The following FBXW2 variants were observed in gnomAD, a reference collection of about 807,000 sequenced individuals.
FBXW2 encodes F-box/WD repeat-containing protein 2.
FBXW2 carries 12 observed loss-of-function variants against 46.0 expected under a neutral mutation model. The ratio of observed to expected loss-of-function variants is 0.26; its 90% confidence interval spans 0.17 to 0.42. The LOEUF (loss-of-function observed/expected upper bound fraction) is 0.42, where lower values mean the gene tolerates loss of function less well. Ranked by LOEUF, FBXW2 falls within the 10% of genes least tolerant of loss-of-function variation. The pLI, the probability that FBXW2 is intolerant of heterozygous loss-of-function variation, is 1.00. For synonymous variants in FBXW2, 203 were observed against 209.6 expected, an observed-to-expected ratio of 0.97 and a Z score of 0.27; for missense variants, 360 against 537.0, an observed-to-expected ratio of 0.67 and a Z score of 3.26.
chr9:120,787,185 C>T (rs981448071), intron 3 of FBXW2, among the ~76,000 whole-genome samples: 1 of 152,218 alleles, frequency 6.6e-6, no homozygotes, highest in African/African-American at 2.4e-5. Context: ...CATGCCGCCA[C>T]GCCCGGCTAC....
chr9:120,792,233 G>A (rs1356945691), intron 2 of FBXW2, among the ~76,000 whole-genome samples: 1 of 152,102 alleles, frequency 6.6e-6, no homozygotes, highest in Non-Finnish European at 1.5e-5. Context: ...GGACCTTCTG[G>A]AAAACAGTGT....
At chr9:120,781,651 C>T (rs926599523) in intron 3 of FBXW2, among the ~76,000 whole-genome samples, 23 of 151,418 alleles carry the variant, frequency 1.5e-4, no homozygotes, top group African/African-American at 3.9e-4. Flanking sequence ...CACACACACA[C>T]ACACACACAC....
intron 4 of FBXW2, chr9:120,776,594 A>G (rs928249279): frequency 6.3e-6 from 1 of 159,844 alleles, no homozygotes; most frequent in South Asian, 1.9e-4. Flanking sequence ...TCTGATACAC[A>G]CTAACAGTAA....
intron 5 of FBXW2, 29 bp from the exon 6 acceptor site, chr9:120,772,869 A>G (rs757177863): frequency 2.1e-6 from 3 of 1,409,198 alleles, no homozygotes; most frequent in Non-Finnish European, 3.0e-6. Flanking sequence ...TTACGGAAAG[A>G]TCCTTTTAAT....
intron 6 of FBXW2, 25 bp downstream of exon 6, chr9:120,772,729 C>A: frequency 6.8e-7 from 1 of 1,473,108 alleles, no homozygotes; most frequent in Non-Finnish European, 9.2e-7. Flanking sequence ...TTTAATGAAG[C>A]AAATTAATGG....
Position 120,758,446 on chromosome 9 carries a change from A to G in FBXW2, c.*6113T>C, listed in dbSNP as rs1386015968. 2 of 152,294 alleles carry G rather than the reference A, an allele frequency of 1.3e-5. No homozygotes were observed. The highest frequency in any genetic ancestry group is 2.9e-5 in the Non-Finnish European group (2 of 68,076). 9.4% of individuals were successfully genotyped at this position (152,294 alleles called of 1,614,324 possible). ...TAACGGAGAGTTACCAAGATTGAAC[A>G]AGAGCAAGTAAGTGCTCAAAGAAGT... On this transcript the variant is annotated 3_prime_UTR_variant, in exon 8 of 8. Coordinates refer to ENST00000608872, the MANE Select transcript of FBXW2 (RefSeq NM_012164.4).
At chr9:120,771,130 G>T (rs1259333663) in intron 7 of FBXW2, among the ~76,000 whole-genome samples, 1 of 152,212 alleles carries the variant, frequency 6.6e-6, no homozygotes, top group Non-Finnish European at 1.5e-5. Context: ...TCAGGCAGCG[G>T]ACGTTCCAGT....
chr9:120,768,548 C>T (rs1368949680), intron 7 of FBXW2, among the ~76,000 whole-genome samples: 9 of 151,998 alleles, frequency 5.9e-5, no homozygotes, highest in Admixed American at 3.9e-4. Context: ...GCTAGGAAGC[C>T]GGGTGCGGTG....
At chr9:120,777,059 G>T (rs1300490178) in intron 4 of FBXW2, among the ~76,000 whole-genome samples, 1 of 152,094 alleles carries the variant, frequency 6.6e-6, no homozygotes, top group Non-Finnish European at 1.5e-5. Flanking sequence ...AAAGAAAAAA[G>T]AATACTGCAA....
chr9:120,778,844 T>C (rs1415158303), intron 3 of FBXW2, among the ~76,000 whole-genome samples: 3 of 152,172 alleles, frequency 2.0e-5, no homozygotes, highest in Admixed American at 6.5e-5. Context: ...CTTGAAAAAT[T>C]TCATAAATCC....
chr9:120,766,599 G>A (rs180692396), intron 7 of FBXW2, among the ~76,000 whole-genome samples: 256 of 152,158 alleles, frequency 1.7e-3, no homozygotes, highest in African/African-American at 6.0e-3. Context: ...CGAGTAGCTG[G>A]GATTACAGAT....
rs1362708075 is a variant in FBXW2 at position 120,788,127 on chromosome 9, G to A, written c.132C>T (p.Leu44=). 5 of 1,614,174 alleles carry A rather than the reference G, an allele frequency of 3.1e-6. No individual in the cohort carries two copies. Among genetic ancestry groups the A allele is most frequent in the South Asian group, 1.1e-5 (1 of 91,084 alleles). The change falls in exon 3 of 8, where the codon CTC becomes CTT. Residue 44 remains leucine (L), a synonymous_variant. Coordinates refer to ENST00000608872, the MANE Select transcript of FBXW2 (RefSeq NM_012164.4). The part of the protein sequence containing the change: ...SLSGAVQLRH[L]SNNLETLLKR... Reference sequence around the variant, plus strand: ...TGAGGAGAGTCTCTAGGTTATTGGAGAGATGCCTGAGCTGGACTGCCCCAC... The same window carrying A: ...TGAGGAGAGTCTCTAGGTTATTGGAAAGATGCCTGAGCTGGACTGCCCCAC...
At chr9:120,774,054 A>C (rs1449022265) in intron 5 of FBXW2, among the ~76,000 whole-genome samples, 1 of 151,774 alleles carries the variant, frequency 6.6e-6, no homozygotes, top group Non-Finnish European at 1.5e-5. Context: ...TTTAATTAGC[A>C]GCTGGGCACG....
At chr9:120,783,426 C>T (rs1333386452) in intron 3 of FBXW2, among the ~76,000 whole-genome samples, 1 of 151,982 alleles carries the variant, frequency 6.6e-6, no homozygotes, top group Admixed American at 6.6e-5. Flanking sequence ...GAAAAAAATC[C>T]CTCCCCATTC....
At position 120,764,799 on chromosome 9, in the gene FBXW2, T is replaced by C. The variant is rs778139159; in HGVS notation, c.1125A>G (p.Gly375=). ...EIANLALLGF[G]DIFALLFDNR... ...TGTCAAACAGCAGGGCAAAGATATCTCCAAAGCCAAGCAAGGCCAAGTTTG... is the reference window on the plus strand; with the variant it reads ...TGTCAAACAGCAGGGCAAAGATATCCCCAAAGCCAAGCAAGGCCAAGTTTG... The change falls in exon 8 of 8, where the codon GGA becomes GGG. Residue 375 remains glycine (G), a synonymous_variant. Transcript: ENST00000608872. 1 of 1,607,630 alleles carries C rather than the reference T, an allele frequency of 6.2e-7. No homozygotes were observed.
At chr9:120,770,131 C>T (rs997108994) in intron 7 of FBXW2, among the ~76,000 whole-genome samples, 1 of 152,136 alleles carries the variant, frequency 6.6e-6, no homozygotes, top group African/African-American at 2.4e-5. Context: ...AATCCCAGCA[C>T]TTTGGGAGGC....
At chr9:120,765,315 G>A (rs1003301980) in intron 7 of FBXW2, among the ~76,000 whole-genome samples, 3 of 152,056 alleles carry the variant, frequency 2.0e-5, no homozygotes, top group Non-Finnish European at 2.9e-5. Context: ...GGCTGGTCTC[G>A]AACTACTGAC....
At chr9:120,792,346 T>C (rs968288496) in intron 2 of FBXW2, 1 of 152,206 alleles carries the variant, frequency 6.6e-6, no homozygotes, top group Non-Finnish European at 1.5e-5. Context: ...TTCCCCCTTT[T>C]CTTATCAAAC....
intron 6 of FBXW2, among the ~76,000 whole-genome samples, chr9:120,772,122 T>C (rs977926515): frequency 4.0e-5 from 6 of 151,586 alleles, no homozygotes; most frequent in African/African-American, 1.5e-4. Flanking sequence ...TGTGAACTCT[T>C]TGCAATTCAT....
Sources: gnomAD v4.1 joint callset for allele counts (sites outside exome capture counted in the v4.1 genomes callset) on GRCh38, gnomAD v4.1.1 for gene constraint, MANE v1.5 for transcripts, NCBI Gene and HGNC (gene_info 2026-07-23, HGNC 2026-07-21) for gene names.